Variants in ABI3BP observed in about 807,000 individuals in gnomAD.
ABI3BP encodes the protein target of Nesh-SH3.
ABI3BP carries 216 observed loss-of-function variants against 268.6 expected under a neutral mutation model. The observed-to-expected ratio is 0.80, with a 90% CI of 0.72 to 0.90. The LOEUF (loss-of-function observed/expected upper bound fraction) is 0.90. Among genes scored for constraint, ABI3BP ranks in the 40% least tolerant of loss-of-function variants. The pLI, the probability that ABI3BP is intolerant of heterozygous loss-of-function variation, is 0.00. For missense variants in ABI3BP, 2,090 were observed against 2,182.4 expected (o/e 0.96, Z 0.84); for synonymous variants, 730 against 730.0 (o/e 1.00, Z 0.00).
chr3:100,756,282 C>T (rs563914332), intron 63 of ABI3BP, among the ~76,000 whole-genome samples: 9 of 152,204 alleles, frequency 5.9e-5, no homozygotes, highest in African/African-American at 1.9e-4. Flanking sequence ...CCCAGCACTT[C>T]GGGAGGCCGA....
intron 36 of ABI3BP, among the ~76,000 whole-genome samples, chr3:100,824,468 T>C (rs1469416178): frequency 1.3e-5 from 2 of 152,182 alleles, no homozygotes; most frequent in African/African-American, 2.4e-5. Flanking sequence ...ATAACTCTCC[T>C]AAAGCTGACA....
At chr3:100,951,706 T>C (rs2075119424) in intron 1 of ABI3BP, among the ~76,000 whole-genome samples, 1 of 151,970 alleles carries the variant, frequency 6.6e-6, no homozygotes, top group Non-Finnish European at 1.5e-5. Context: ...GCATAAAACA[T>C]GGAGAAGTCC....
At chr3:100,844,367 G>A in intron 20 of ABI3BP, 3 of 985,422 alleles carry the variant, frequency 3.0e-6, no homozygotes, top group Non-Finnish European at 3.6e-6. Context: ...GACATGGTAG[G>A]TGGCTGTGGT....
chr3:100,948,347 G>A (rs1444419531), intron 1 of ABI3BP, among the ~76,000 whole-genome samples: 1 of 152,020 alleles, frequency 6.6e-6, no homozygotes, highest in African/African-American at 2.4e-5. Flanking sequence ...AACAAGATTT[G>A]ATTTCAGTAG....
chr3:100,894,742 A>G (rs1321893000), intron 4 of ABI3BP, among the ~76,000 whole-genome samples: 1 of 151,920 alleles, frequency 6.6e-6, no homozygotes, highest in African/African-American at 2.4e-5. Flanking sequence ...GATCAAGAAC[A>G]TCCTGGCTAA....
intron 2 of ABI3BP, among the ~76,000 whole-genome samples, chr3:100,925,335 C>CA (rs1267663266): frequency 5.3e-5 from 8 of 152,194 alleles, no homozygotes; most frequent in African/African-American, 1.9e-4. Context: ...AGCAGTGGAA[C>CA]AAAATATAAA....
Position 100,811,790 on chromosome 3 carries a change from T to G in ABI3BP, c.3431A>C (p.Lys1144Thr). The G allele has an allele frequency of 2.6e-6, 4 of 1,535,474 alleles. No individual in the cohort carries two copies. Among genetic ancestry groups the G allele is most frequent in the Non-Finnish European group, 3.5e-6 (4 of 1,146,442 alleles). ...ESPKETIAPAKTDYVYPTAKA... is the reference protein window; with the variant it reads ...ESPKETIAPATTDYVYPTAKA... Reference sequence around the variant, plus strand: ...GGCAGTGGGATATACATAGTCTGTTTTGGCTGGTGCTAGGGAAGAAACGGG... The same window carrying G: ...GGCAGTGGGATATACATAGTCTGTTGTGGCTGGTGCTAGGGAAGAAACGGG... Residue 1144 changes from lysine (K) to threonine (T), a missense_variant, in exon 47 of 68, where the codon AAA becomes ACA. Coordinates refer to ENST00000471714, the MANE Select transcript of ABI3BP (RefSeq NM_001375547.2).
At chr3:100,941,681 G>C (rs2069328377) in intron 1 of ABI3BP, among the ~76,000 whole-genome samples, 1 of 152,108 alleles carries the variant, frequency 6.6e-6, no homozygotes, top group African/African-American at 2.4e-5. Context: ...AACTGCCAAT[G>C]TGGACATTTC....
intron 9 of ABI3BP, among the ~76,000 whole-genome samples, chr3:100,872,651 G>A (rs2099120925): frequency 6.6e-6 from 1 of 152,100 alleles, no homozygotes; most frequent in Non-Finnish European, 1.5e-5. Flanking sequence ...TACAGTCTCT[G>A]GGCAGAGAAC....
At chr3:100,919,889 G>C (rs1255418191) in intron 2 of ABI3BP, among the ~76,000 whole-genome samples, 6 of 152,144 alleles carry the variant, frequency 3.9e-5, no homozygotes, top group African/African-American at 1.4e-4. Context: ...GGAATTCTAA[G>C]AGGCACCTGA....
rs2095255343 is a variant in ABI3BP at position 100,750,616 on chromosome 3, A to G, written c.5246-6T>C. ...GCGAACTGCTCTGAAATAACCTGAG[A>G]GAGAAAATAGTTTCATTTTAATAGC... is the stretch of plus-strand genomic sequence containing the variant. On this transcript the variant is annotated splice_region_variant and splice_polypyrimidine_tract_variant and intron_variant, in intron 67 of 67. Coordinates refer to ENST00000471714, the MANE Select transcript of ABI3BP (RefSeq NM_001375547.2). The G allele has an allele frequency of 2.5e-6, 4 of 1,600,430 alleles. No homozygotes were observed. The highest frequency in any genetic ancestry group is 3.4e-6 in the Non-Finnish European group (4 of 1,169,236).
At position 100,750,226 on chromosome 3, in the gene ABI3BP, A is replaced by G. The variant is rs955638022; in HGVS notation, c.*269T>C. ...ACAACAGTGTGATAAATAATATACA[A>G]ATGATCTCTTAAAATACCATGAATA... On this transcript the variant is annotated 3_prime_UTR_variant, in exon 68 of 68. Coordinates refer to ENST00000471714, the MANE Select transcript of ABI3BP (RefSeq NM_001375547.2). 3.3e-6 allele frequency: 1 copy of G among 302,870 alleles called. No individual in the cohort carries two copies. The highest frequency in any genetic ancestry group is 2.2e-5 in the African/African-American group (1 of 46,204). The allele number at this position is 302,870 out of a possible 1,614,324, so 18.8% of individuals were successfully genotyped here. A position where few individuals can be genotyped will look rare whatever the true frequency, so the allele number is the denominator to read the frequency against.
chr3:100,885,625 C>A, intron 5 of ABI3BP, 37 bp from the exon 6 acceptor site: 1 of 1,289,080 alleles, frequency 7.8e-7, no homozygotes, highest in South Asian at 1.4e-5. Context: ...TATTTTTATT[C>A]TCCTTGCTCC....
At chr3:100,976,237 A>G (rs1305953289) in intron 1 of ABI3BP, among the ~76,000 whole-genome samples, 3 of 152,134 alleles carry the variant, frequency 2.0e-5, no homozygotes, top group African/African-American at 7.2e-5. Flanking sequence ...TTTATCATGT[A>G]TTCTGGTTTG....
At chr3:100,934,679 C>G (rs969600999) in intron 1 of ABI3BP, among the ~76,000 whole-genome samples, 14 of 152,124 alleles carry the variant, frequency 9.2e-5, no homozygotes, top group Non-Finnish European at 1.9e-4. Context: ...ACCATTCTAA[C>G]TGGCATGAGA....
At chr3:100,843,819 T>C (rs888332251) in intron 20 of ABI3BP, 1 of 985,254 alleles carries the variant, frequency 1.0e-6, no homozygotes, top group East Asian at 1.1e-4. Context: ...TTGTAATTCA[T>C]GTTTTTGATT....
chr3:100,843,130 C>T (rs374065310), intron 20 of ABI3BP, among the ~76,000 whole-genome samples: 15 of 152,092 alleles, frequency 9.9e-5, no homozygotes, highest in African/African-American at 2.9e-4. Flanking sequence ...AACGCAGGTA[C>T]AGAATTTTTA....
rs563634765 is a variant in ABI3BP, at chr3:100,765,855, C to G, written c.4836G>C (p.Leu1612=). ...TGGTGGCTTACCTCGTGTTTGGTTT[C>G]AGATTTTCTACTGTGGAAAATGTCT... ...TNQTFSTVEN[L]KPNTSYEFQV... Residue 1612 remains leucine (L), a synonymous_variant, in exon 63 of 68, where the codon CTG becomes CTC. Coordinates refer to ENST00000471714, the MANE Select transcript of ABI3BP (RefSeq NM_001375547.2). 31 of 1,608,890 alleles carry G rather than the reference C, an allele frequency of 1.9e-5. No homozygotes were observed. The East Asian group carries it at 6.9e-4, about 36-fold the overall frequency.
intron 14 of ABI3BP, among the ~76,000 whole-genome samples, chr3:100,855,473 GCT>G (rs1350549319): frequency 6.6e-6 from 1 of 152,140 alleles, no homozygotes; most frequent in African/African-American, 2.4e-5. Context: ...TGTCTATCAT[GCT>G]CATTATGCTT....
Sources: allele counts gnomAD v4.1 joint callset (sites outside exome capture counted in the v4.1 genomes callset), GRCh38; gene constraint gnomAD v4.1.1; transcripts MANE v1.5; gene names NCBI Gene and HGNC (gene_info 2026-07-23, HGNC 2026-07-21).